CPQ: variants seen among roughly 807,000 people sequenced by gnomAD.
The protein encoded by CPQ is carboxypeptidase Q.
Under a neutral mutation model 45.7 loss-of-function variants are expected in CPQ, and 37 were observed. The ratio of observed to expected loss-of-function variants is 0.81; its 90% CI spans 0.62 to 1.07. The LOEUF is 1.07. CPQ is among the 50% of genes least tolerant of loss of function. The pLI is 0.00. For missense variants in CPQ, 537 were observed against 572.9 expected, an observed-to-expected ratio of 0.94 and a Z score of 0.64; for synonymous variants, 186 against 205.8, an observed-to-expected ratio of 0.90 and a Z score of 0.82.
intron 2 of CPQ, among the ~76,000 whole-genome samples, chr8:96,799,630 G>A (rs1810980978): frequency 6.6e-6 from 1 of 152,132 alleles, no homozygotes; most frequent in Non-Finnish European, 1.5e-5. Context: ...TATCAAATTA[G>A]GGATGGAAAT....
chr8:96,685,665 C>T (rs536658078), intron 1 of CPQ, among the ~76,000 whole-genome samples: 5 of 152,120 alleles, frequency 3.3e-5, no homozygotes, highest in African/African-American at 1.2e-4. Flanking sequence ...TTGCTAATCC[C>T]GATCATTTGT....
chr8:96,963,835 C>A (rs1813505381), intron 4 of CPQ, among the ~76,000 whole-genome samples: 1 of 152,066 alleles, frequency 6.6e-6, no homozygotes. Context: ...CTTTTTGTCA[C>A]AAACCCTCCT....
At chr8:96,681,405 T>G (rs1809150014) in intron 1 of CPQ, among the ~76,000 whole-genome samples, 2 of 152,076 alleles carry the variant, frequency 1.3e-5, no homozygotes, top group African/African-American at 4.8e-5. Context: ...CTTCGCAGGG[T>G]GAAAGCCCCA....
intron 1 of CPQ, among the ~76,000 whole-genome samples, chr8:96,773,589 A>G (rs544497329): frequency 5.9e-5 from 9 of 152,352 alleles, no homozygotes; most frequent in Non-Finnish European, 1.0e-4. Flanking sequence ...ATATAAAGGT[A>G]GGGAAATAAC....
At chr8:96,798,984 C>T (rs1810970652) in intron 2 of CPQ, among the ~76,000 whole-genome samples, 1 of 152,078 alleles carries the variant, frequency 6.6e-6, no homozygotes, top group South Asian at 2.1e-4. Context: ...TGTGAAAGGT[C>T]ACAAATTTAA....
rs1810632662 is a variant in CPQ at position 97,066,135 on chromosome 8, C to A, written c.1180C>A (p.Pro394Thr). ...GGAGGAGGTTATGAGCCTGCTGCAG[C>A]CCCTCAATATCACTCAGGTCCTGAG... ...IMEEVMSLLQ[P>T]LNITQVLSHG... is the part of the protein sequence containing the mutation. The change falls in exon 7 of 8, where the codon CCC (proline) becomes ACC (threonine). Residue 394 changes from proline (P) to threonine (T), a missense_variant. Coordinates refer to ENST00000220763, the MANE Select transcript of CPQ (RefSeq NM_016134.4). 1 of 1,611,796 alleles carries A rather than the reference C, an allele frequency of 6.2e-7. No homozygotes were observed. The highest frequency in any genetic ancestry group is 1.3e-5 in the African/African-American group (1 of 74,814).
intron 7 of CPQ, among the ~76,000 whole-genome samples, chr8:97,078,126 C>T (rs1810879308): frequency 1.3e-5 from 2 of 152,138 alleles, no homozygotes; most frequent in African/African-American, 4.8e-5. Flanking sequence ...TATTGATGCT[C>T]AAATTGTCCC....
chr8:97,048,366 A>G (rs1810297302), intron 6 of CPQ, among the ~76,000 whole-genome samples: 1 of 152,230 alleles, frequency 6.6e-6, no homozygotes. Flanking sequence ...AGCACTAAGG[A>G]AGGATCAATG....
intron 3 of CPQ, among the ~76,000 whole-genome samples, chr8:96,845,901 C>A (rs970254593): frequency 6.6e-6 from 1 of 152,170 alleles, no homozygotes. Flanking sequence ...CTCACTGCAA[C>A]CTCCGCCTCC....
chr8:96,878,869 A>C (rs1401044892), intron 3 of CPQ, among the ~76,000 whole-genome samples: 1 of 152,214 alleles, frequency 6.6e-6, no homozygotes. Flanking sequence ...TCAAAAGTGA[A>C]GTTTTTAGCC....
chr8:96,785,069 A>G lies in CPQ; in HGVS notation c.172A>G (p.Lys58Glu). Residue 58 changes from lysine to glutamate, a missense_variant, in exon 2 of 8, where the codon AAA (lysine) becomes GAA (glutamate). Transcript: ENST00000220763. ...AATCATCAACCTAGCTGTTTATGGTAAAGCCCAGAACAGATCCTATGAGCG... is the reference window on the plus strand; with the variant it reads ...AATCATCAACCTAGCTGTTTATGGTGAAGCCCAGAACAGATCCTATGAGCG... ...KAIINLAVYG[K>E]AQNRSYERLA... 1.2e-6 allele frequency: 2 copies of G among 1,613,842 alleles called. No individual in the cohort carries two copies. The highest frequency in any genetic ancestry group is 1.7e-6 in the Non-Finnish European group (2 of 1,179,828).
chr8:96,778,168 C>T (rs1244706291), intron 1 of CPQ, among the ~76,000 whole-genome samples: 2 of 151,738 alleles, frequency 1.3e-5, no homozygotes, highest in Non-Finnish European at 2.9e-5. Context: ...ATTATGATTT[C>T]TGTGTTTTAA....
At chr8:96,899,961 A>G (rs1251101910) in intron 4 of CPQ, among the ~76,000 whole-genome samples, 1 of 152,122 alleles carries the variant, frequency 6.6e-6, no homozygotes, top group Non-Finnish European at 1.5e-5. Flanking sequence ...TTGGGAAAAA[A>G]AATAGATGAT....
intron 1 of CPQ, among the ~76,000 whole-genome samples, chr8:96,769,626 A>ATTTT (rs34672966): frequency 2.2e-4 from 25 of 112,658 alleles, no homozygotes; most frequent in African/African-American, 6.8e-4. Flanking sequence ...TGTTTACTGG[A>ATTTT]TTTTTTTTTT....
intron 5 of CPQ, among the ~76,000 whole-genome samples, chr8:97,011,189 C>T (rs1038349609): frequency 6.6e-6 from 1 of 152,174 alleles, no homozygotes; most frequent in African/African-American, 2.4e-5. Flanking sequence ...TAAATGTGGA[C>T]ATTCCAATGT....
chr8:96,939,891 A>C (rs1194797705), intron 4 of CPQ, among the ~76,000 whole-genome samples: 1 of 152,170 alleles, frequency 6.6e-6, no homozygotes, highest in African/African-American at 2.4e-5. Context: ...AGGTAATGCC[A>C]AATTGTTTTC....
chr8:96,801,218 C>T (rs1238261149), intron 2 of CPQ, among the ~76,000 whole-genome samples: 1 of 152,084 alleles, frequency 6.6e-6, no homozygotes, highest in African/African-American at 2.4e-5. Flanking sequence ...ATCAGGTGAT[C>T]CACCCACCTT....
chr8:96,838,857 A>T (rs1398634252), intron 3 of CPQ, among the ~76,000 whole-genome samples: 1 of 152,074 alleles, frequency 6.6e-6, no homozygotes, highest in Non-Finnish European at 1.5e-5. Context: ...TAAGTTTGAA[A>T]CAACTTGAAC....
chr8:96,720,011 G>C (rs969550752), intron 1 of CPQ, among the ~76,000 whole-genome samples: 1 of 152,128 alleles, frequency 6.6e-6, no homozygotes, highest in African/African-American at 2.4e-5. Flanking sequence ...TTCCTGTTAA[G>C]TTCCTGTATT....
Sources: gnomAD v4.1 joint callset for allele counts (sites outside exome capture counted in the v4.1 genomes callset) on GRCh38, gnomAD v4.1.1 for gene constraint, MANE v1.5 for transcripts, NCBI Gene and HGNC (gene_info 2026-07-23, HGNC 2026-07-21) for gene names.